PPARGC1A: variants seen among roughly 807,000 people sequenced by gnomAD.
PPARGC1A encodes the protein peroxisome proliferator-activated receptor gamma coactivator 1-alpha.
A neutral mutation model predicts 88.7 loss-of-function variants in PPARGC1A; 25 were observed. The observed-to-expected ratio is 0.28, with a 90% CI of 0.21 to 0.39. PPARGC1A has a LOEUF of 0.39. PPARGC1A is among the 10% of genes least tolerant of loss of function. The pLI is 1.00. For synonymous variants in PPARGC1A, 363 were observed against 355.6 expected (o/e 1.02, Z -0.24); for missense variants, 880 against 968.7 (o/e 0.91, Z 1.22).
chr4:23,857,809 T>C (rs561860706), intron 2 of PPARGC1A, among the ~76,000 whole-genome samples: 2 of 151,950 alleles, frequency 1.3e-5, no homozygotes, highest in Non-Finnish European at 2.9e-5. Context: ...TGAATCGTGA[T>C]GAGACTCCTC....
At chr4:23,831,899 C>A in intron 2 of PPARGC1A, 148 bp from the exon 3 acceptor site, 3 of 654,178 alleles carry the variant, frequency 4.6e-6, no homozygotes, top group Non-Finnish European at 5.3e-6. Context: ...TTCTCAAACT[C>A]CAAATTCATG....
the PPARGC1A span, among the ~76,000 whole-genome samples, chr4:24,429,258 T>G: frequency 6.6e-6 from 1 of 152,220 alleles, no homozygotes; most frequent in Non-Finnish European, 1.5e-5. Context: ...TCTCTCTCTC[T>G]CCCTCTGTTT....
the PPARGC1A span, among the ~76,000 whole-genome samples, chr4:23,952,241 A>G: frequency 6.6e-6 from 1 of 152,282 alleles, no homozygotes; most frequent in Middle Eastern, 3.4e-3. Flanking sequence ...AACAGGTCAC[A>G]ATGATAGTTT....
the PPARGC1A span, among the ~76,000 whole-genome samples, chr4:24,188,179 T>C: frequency 1.3e-5 from 2 of 151,566 alleles, no homozygotes; most frequent in East Asian, 3.9e-4. Flanking sequence ...TAAGACACTG[T>C]GAGCAGGGGG....
At position 23,831,654 on chromosome 4, in the gene PPARGC1A, G is replaced by A. The variant is rs779660669; in HGVS notation, c.332C>T (p.Ala111Val). The A allele has an allele frequency of 5.0e-5, 81 of 1,613,824 alleles. No individual in the cohort carries two copies. Among genetic ancestry groups the A allele is most frequent in the Middle Eastern group, 1.7e-4 (1 of 6,060 alleles). Residue 111 changes from alanine (A) to valine (V), a missense_variant, in exon 3 of 13, where the codon GCG becomes GTG. Physicochemically the swap from Ala to Val is moderately conservative, Grantham distance 64. Transcript: ENST00000264867. ...AGTGGTCACGTCTCCATCTGTCAGC[G>A]CATCAAATGAGGGCAATCCGTCTTC... ...VDEDGLPSFD[A>V]LTDGDVTTDN...
chr4:24,169,358 A>T, the PPARGC1A span, among the ~76,000 whole-genome samples: 1 of 152,090 alleles, frequency 6.6e-6, no homozygotes, highest in Non-Finnish European at 1.5e-5. Flanking sequence ...CAGAAAAAGG[A>T]TGTGAGGTAT....
the PPARGC1A span, among the ~76,000 whole-genome samples, chr4:24,375,210 G>C: frequency 6.6e-6 from 1 of 152,068 alleles, no homozygotes; most frequent in Non-Finnish European, 1.5e-5. Context: ...ATCAGGTTGA[G>C]TTGGGTGAAG....
chr4:24,171,260 G>A, the PPARGC1A span, among the ~76,000 whole-genome samples: 2 of 152,000 alleles, frequency 1.3e-5, no homozygotes, highest in African/African-American at 4.8e-5. Flanking sequence ...ACAAAAAGTA[G>A]CTGGGCATGG....
chr4:23,939,425 C>T, the PPARGC1A span, among the ~76,000 whole-genome samples: 2 of 152,138 alleles, frequency 1.3e-5, no homozygotes, highest in African/African-American at 4.8e-5. Flanking sequence ...CCTTATTACC[C>T]TCTAGGTCAA....
At position 23,793,374 on chromosome 4, in the gene PPARGC1A, T is replaced by C. The variant is rs2109283744; in HGVS notation, c.*2448A>G. ...TCATTTCATAGTATTTTTATTGCTT[T>C]CTATCTACTTAGAAATAAGAAGCCA... On this transcript the variant is annotated 3_prime_UTR_variant, in exon 13 of 13. Transcript: ENST00000264867. 1 of 152,608 alleles carries C rather than the reference T, an allele frequency of 6.6e-6. No homozygotes were observed. Among genetic ancestry groups the C allele is most frequent in the Admixed American group, 6.6e-5 (1 of 15,260 alleles). The allele number at this position is 152,608 out of a possible 1,614,324, so 9.5% of individuals were successfully genotyped here. A position where few individuals can be genotyped will look rare whatever the true frequency, so the allele number is the denominator to read the frequency against.
At chr4:23,928,613 G>C in the PPARGC1A span, among the ~76,000 whole-genome samples, 7 of 151,814 alleles carry the variant, frequency 4.6e-5, no homozygotes, top group Non-Finnish European at 8.8e-5. Context: ...ATGCCTAAAG[G>C]AATATAAATC....
the PPARGC1A span, among the ~76,000 whole-genome samples, chr4:23,923,439 G>A: frequency 1.3e-5 from 2 of 151,996 alleles, no homozygotes; most frequent in Admixed American, 6.6e-5. Flanking sequence ...TGCCTAATAT[G>A]AGAAATATTA....
At chr4:24,080,696 C>T in the PPARGC1A span, among the ~76,000 whole-genome samples, 1 of 152,078 alleles carries the variant, frequency 6.6e-6, no homozygotes, top group South Asian at 2.1e-4. Context: ...TATTTCCTTC[C>T]ATCTTCAATC....
the PPARGC1A span, among the ~76,000 whole-genome samples, chr4:24,404,140 G>C: frequency 6.6e-6 from 1 of 152,048 alleles, no homozygotes; most frequent in African/African-American, 2.4e-5. Flanking sequence ...GCACACACCT[G>C]TAATCCCAGC....
At chr4:24,212,249 T>A in the PPARGC1A span, among the ~76,000 whole-genome samples, 1 of 152,228 alleles carries the variant, frequency 6.6e-6, no homozygotes, top group South Asian at 2.1e-4. Flanking sequence ...TCATGCAGCT[T>A]TGATATCTGC....
intron 2 of PPARGC1A, among the ~76,000 whole-genome samples, chr4:23,833,836 G>A (rs1299598913): frequency 3.3e-5 from 5 of 152,166 alleles, no homozygotes; most frequent in African/African-American, 1.2e-4. Context: ...CTGGATTTGA[G>A]TTTGGGTGCA....
At chr4:23,910,030 G>A in the PPARGC1A span, among the ~76,000 whole-genome samples, 3 of 147,184 alleles carry the variant, frequency 2.0e-5, no homozygotes, top group African/African-American at 7.5e-5. Context: ...ATAGCAGCAA[G>A]TCACTAGAAG....
the PPARGC1A span, among the ~76,000 whole-genome samples, chr4:24,275,092 T>G: frequency 6.6e-6 from 1 of 152,368 alleles, no homozygotes; most frequent in Non-Finnish European, 1.5e-5. Flanking sequence ...CGGGAAGTAC[T>G]GCTTCAATTT....
the PPARGC1A span, among the ~76,000 whole-genome samples, chr4:24,048,865 A>G: frequency 6.6e-6 from 1 of 152,148 alleles, no homozygotes; most frequent in Non-Finnish European, 1.5e-5. Context: ...ACTAATTCCA[A>G]CTAATGGAAA....
Sources: allele counts gnomAD v4.1 joint callset (sites outside exome capture counted in the v4.1 genomes callset), GRCh38; gene constraint gnomAD v4.1.1; transcripts MANE v1.5; gene names NCBI Gene and HGNC (gene_info 2026-07-23, HGNC 2026-07-21).